The following PALM2AKAP2 variants were observed in gnomAD, a reference collection of about 807,000 sequenced individuals.
PALM2AKAP2 encodes the protein PALM2 and AKAP2 fusion.
Under a neutral mutation model 71.5 loss-of-function variants are expected in PALM2AKAP2, and 37 were observed. The ratio of observed to expected loss-of-function variants is 0.52; its 90% CI spans 0.40 to 0.68. The LOEUF (loss-of-function observed/expected upper bound fraction) is 0.68, where lower values mean the gene tolerates loss of function less well. PALM2AKAP2 is among the 30% of genes least tolerant of loss of function. The pLI is 0.00. For missense variants in PALM2AKAP2, 1,224 were observed against 1,191.8 expected (o/e 1.03, Z -0.40); for synonymous variants, 468 against 478.8 (o/e 0.98, Z 0.29).
intron 1 of PALM2AKAP2, among the ~76,000 whole-genome samples, chr9:109,749,521 C>A (rs1828854111): frequency 6.9e-6 from 1 of 145,702 alleles, no homozygotes; most frequent in African/African-American, 2.6e-5. Context: ...GTGAATTGCC[C>A]TAGTAAGTGC....
chr9:109,895,605 G>A (rs1443973616), intron 3 of PALM2AKAP2, among the ~76,000 whole-genome samples: 1 of 152,136 alleles, frequency 6.6e-6, no homozygotes. Flanking sequence ...ACTTCAGGTC[G>A]AACTATACTT....
At chr9:110,148,278 C>T (rs1235280976) in intron 2 of PALM2AKAP2, among the ~76,000 whole-genome samples, 1 of 152,134 alleles carries the variant, frequency 6.6e-6, no homozygotes, top group South Asian at 2.1e-4. Flanking sequence ...CAGTTGTGTT[C>T]ATAGGTATAA....
intron 1 of PALM2AKAP2, among the ~76,000 whole-genome samples, chr9:109,651,916 C>T (rs1466048286): frequency 6.6e-6 from 1 of 152,086 alleles, no homozygotes; most frequent in Non-Finnish European, 1.5e-5. Flanking sequence ...TAGGAAGGAA[C>T]ATTCCTGGTC....
chr9:109,757,772 A>G (rs1828986836), intron 1 of PALM2AKAP2, among the ~76,000 whole-genome samples: 2 of 152,128 alleles, frequency 1.3e-5, no homozygotes, highest in Admixed American at 1.3e-4. Context: ...AAAAATGTAT[A>G]GGCTTGTCTA....
chr9:110,122,516 G>A (rs1835511303), intron 1 of PALM2AKAP2, among the ~76,000 whole-genome samples: 2 of 152,190 alleles, frequency 1.3e-5, no homozygotes. Context: ...GCTGGGGTCT[G>A]CCCCTCTGCA....
intron 3 of PALM2AKAP2, among the ~76,000 whole-genome samples, chr9:109,889,270 TCATAAAAC>T (rs1361941715): frequency 6.6e-6 from 1 of 152,228 alleles, no homozygotes; most frequent in Non-Finnish European, 1.5e-5. Flanking sequence ...TTATGACAGT[TCATAAAAC>T]CATGGAATCT....
intron 1 of PALM2AKAP2, among the ~76,000 whole-genome samples, chr9:109,837,890 A>T (rs1828525186): frequency 6.6e-6 from 1 of 152,186 alleles, no homozygotes; most frequent in Admixed American, 6.5e-5. Context: ...AAGTCCTTAG[A>T]GACCTACGAA....
At chr9:109,851,589 T>G (rs901293813) in intron 1 of PALM2AKAP2, among the ~76,000 whole-genome samples, 26 of 152,250 alleles carry the variant, frequency 1.7e-4, no homozygotes, top group Non-Finnish European at 2.6e-4. Context: ...CAAAGTACCA[T>G]GGAAGGACTG....
chr9:110,166,273 GGTAA>G (rs1440415737), intron 3 of PALM2AKAP2, among the ~76,000 whole-genome samples: 5 of 152,150 alleles, frequency 3.3e-5, no homozygotes, highest in Non-Finnish European at 5.9e-5. Flanking sequence ...GAAGCACAGG[GGTAA>G]GTGACTTTTC....
chr9:109,678,506 T>C (rs1827679965), intron 1 of PALM2AKAP2, among the ~76,000 whole-genome samples: 1 of 152,262 alleles, frequency 6.6e-6, no homozygotes, highest in African/African-American at 2.4e-5. Context: ...CCATGCTTTA[T>C]ATTCAAGGTG....
chr9:109,765,468 GATCATGATCATCATC>G (rs1554711904), intron 1 of PALM2AKAP2: 26,514 of 141,436 alleles, frequency 0.19, 3,737 homozygotes, highest in African/African-American at 0.4. Context: ...TCATGATCAT[GATCATGATCATCATC>G]ATCATCATCA....
chr9:109,963,982 C>A (rs1225883747), intron 6 of PALM2AKAP2, among the ~76,000 whole-genome samples: 8 of 152,218 alleles, frequency 5.3e-5, no homozygotes, highest in African/African-American at 1.9e-4. Context: ...CACAGAATCT[C>A]GCTCTGCACC....
At chr9:109,923,690 G>A (rs1830887986) in intron 3 of PALM2AKAP2, 45 bp from the exon 4 acceptor site, 3 of 1,534,400 alleles carry the variant, frequency 2.0e-6, no homozygotes, top group South Asian at 2.5e-5. Context: ...GCCCGTGGAT[G>A]GCAGGACAAT....
chr9:109,673,379 G>A (rs1408194506), intron 1 of PALM2AKAP2, among the ~76,000 whole-genome samples: 1 of 152,098 alleles, frequency 6.6e-6, no homozygotes, highest in Admixed American at 6.6e-5. Flanking sequence ...TCATTCAGGA[G>A]GAGGTGATTC....
chr9:109,802,547 C>T (rs965699308), intron 1 of PALM2AKAP2, among the ~76,000 whole-genome samples: 1 of 152,164 alleles, frequency 6.6e-6, no homozygotes, highest in Non-Finnish European at 1.5e-5. Flanking sequence ...GCAGGTATTC[C>T]TTGCCAGTGG....
At chr9:110,036,012 G>C (rs545976443) in intron 7 of PALM2AKAP2, among the ~76,000 whole-genome samples, 8 of 151,886 alleles carry the variant, frequency 5.3e-5, no homozygotes, top group African/African-American at 1.9e-4. Flanking sequence ...CGTGATCTCA[G>C]CTCACTGCAA....
chr9:109,640,873 A>C (rs751141638), intron 1 of PALM2AKAP2: 1 of 1,516,008 alleles, frequency 6.6e-7, no homozygotes, highest in South Asian at 1.2e-5. Context: ...TGGAGTGAGT[A>C]TCCCCGAGCC....
intron 1 of PALM2AKAP2, among the ~76,000 whole-genome samples, chr9:109,851,175 TCAACAA>T (rs1363599182): frequency 8.5e-5 from 11 of 130,134 alleles, no homozygotes; most frequent in Non-Finnish European, 1.7e-4. Context: ...AGACTCCGTC[TCAACAA>T]CAACAACAAC....
intron 1 of PALM2AKAP2, among the ~76,000 whole-genome samples, chr9:109,801,993 G>A (rs1202205711): frequency 6.6e-6 from 1 of 152,200 alleles, no homozygotes; most frequent in Non-Finnish European, 1.5e-5. Flanking sequence ...TGACTGACCA[G>A]CTGGACACAA....
Sources: allele counts gnomAD v4.1 joint callset (sites outside exome capture counted in the v4.1 genomes callset), GRCh38; gene constraint gnomAD v4.1.1; transcripts MANE v1.5; gene names NCBI Gene and HGNC (gene_info 2026-07-23, HGNC 2026-07-21).